SCARB1: variants seen among roughly 807,000 people sequenced by gnomAD.
The protein encoded by SCARB1 is scavenger receptor class B member 1, also known as CD36 and LIMPII analogous 1.
A neutral mutation model predicts 57.2 loss-of-function variants in SCARB1; 30 were observed. That is an observed-to-expected ratio of 0.52 (90% CI 0.39 to 0.71). The LOEUF (loss-of-function observed/expected upper bound fraction) is 0.71. Ranked by LOEUF, SCARB1 falls within the 30% of genes least tolerant of loss-of-function variation. The probability of loss-of-function intolerance (pLI) is 0.00; values close to 1 mark genes in which losing one functional copy is unlikely to be tolerated. For synonymous variants in SCARB1, 249 were observed against 268.3 expected (o/e 0.93, Z 0.70); for missense variants, 543 against 671.2 (o/e 0.81, Z 2.11).
chr12:124,853,087 G>A (rs1952484530), intron 1 of SCARB1, among the ~76,000 whole-genome samples: 1 of 152,124 alleles, frequency 6.6e-6, no homozygotes, highest in Admixed American at 6.5e-5. Flanking sequence ...CAATCACGGG[G>A]TGTCTTCTTC....
intron 1 of SCARB1, among the ~76,000 whole-genome samples, chr12:124,840,780 C>T (rs190792398): frequency 1.5e-3 from 219 of 150,738 alleles, no homozygotes; most frequent in African/African-American, 5.2e-3. Flanking sequence ...TAGAAAACTA[C>T]CCCCACCTGG....
Position 124,817,805 on chromosome 12 carries a change from A to AGG in SCARB1, c.127-100_127-99dup. ...ACAGCTGCCCGAGCCCGGCCAGGGA[A>AGG]GGGGCTCCTCGGCGGGAGCTTGGGA... On this transcript the variant is annotated intron_variant, in intron 1 of 12. Transcript: ENST00000261693. The surrounding 1 kb of genome is among the most constrained non-coding windows in gnomAD (Gnocchi z 4.8). 1 of 1,335,476 alleles carries AGG rather than the reference A, an allele frequency of 7.5e-7. No individual in the cohort carries two copies. The highest frequency in any genetic ancestry group is 1.1e-6 in the Non-Finnish European group (1 of 927,868). 82.7% of individuals were successfully genotyped at this position (1,335,476 alleles called of 1,614,324 possible).
rs1950792621 is a variant in SCARB1 at position 124,817,599 on chromosome 12, G to C, written c.235C>G (p.Leu79Val). 1 of 1,614,126 alleles carries C rather than the reference G, an allele frequency of 6.2e-7. No individual in the cohort carries two copies. Among genetic ancestry groups the C allele is most frequent in the African/African-American group, 1.3e-5 (1 of 74,942 alleles). ...FFDVMNPSEI[L>V]KGEKPQVRER... Reference sequence around the variant, plus strand: ...CGCACCTGCGGCTTCTCGCCCTTCAGGATCTCGCTGGGGTTCATGACGTCA... The same window carrying C: ...CGCACCTGCGGCTTCTCGCCCTTCACGATCTCGCTGGGGTTCATGACGTCA... Residue 79 changes from leucine (L) to valine (V), a missense_variant, in exon 2 of 13, where the codon CTG becomes GTG. Coordinates refer to ENST00000261693, the MANE Select transcript of SCARB1 (RefSeq NM_005505.5). The surrounding 1 kb of genome is among the most constrained non-coding windows in gnomAD (Gnocchi z 4.8).
rs1950567559 is a variant in SCARB1, at chr12:124,812,574, C to A, written c.631-609G>T. The stretch of plus-strand genomic sequence containing the variant: ...AGCAGCAAAACCTGGCCTGTCCTAA[C>A]CCATCGAGGTTCTTGATAGTGGGGC... On this transcript the variant is annotated intron_variant, in intron 4 of 12. Transcript: ENST00000261693. The surrounding 1 kb of genome is among the most constrained non-coding windows in gnomAD (Gnocchi z 4.3). 6.6e-6 allele frequency among the ~76,000 whole-genome samples: 1 copy of A among 152,246 alleles called. No individual in the cohort carries two copies. The highest frequency in any genetic ancestry group is 2.4e-5 in the African/African-American group (1 of 41,460).
intron 9 of SCARB1, among the ~76,000 whole-genome samples, chr12:124,792,791 G>A (rs1278798939): frequency 6.6e-6 from 1 of 150,434 alleles, no homozygotes; most frequent in Non-Finnish European, 1.5e-5. Flanking sequence ...CAGAGCTCCT[G>A]TTAAAATTCA....
At chr12:124,821,908 G>A (rs905544536) in intron 1 of SCARB1, among the ~76,000 whole-genome samples, 2 of 152,160 alleles carry the variant, frequency 1.3e-5, no homozygotes, top group Non-Finnish European at 2.9e-5. Flanking sequence ...TGGGGACACT[G>A]TGGCCTTTTG....
At chr12:124,798,019 G>A (rs952849366) in intron 8 of SCARB1, among the ~76,000 whole-genome samples, 1 of 152,258 alleles carries the variant, frequency 6.6e-6, no homozygotes, top group African/African-American at 2.4e-5. Context: ...CATGTACGCT[G>A]TGGCCAAGAT....
chr12:124,839,258 T>C, intron 1 of SCARB1: 1 of 455,960 alleles, frequency 2.2e-6, no homozygotes, highest in Middle Eastern at 3.5e-4. Context: ...CTCTTTTCTG[T>C]CTCTGTGGAT....
At chr12:124,815,216 T>A in intron 2 of SCARB1, 102 bp from the exon 3 acceptor site, 2 of 1,337,824 alleles carry the variant, frequency 1.5e-6, no homozygotes, top group South Asian at 2.4e-5. Flanking sequence ...GCCCTGGACG[T>A]CTGTGCACAC....
intron 1 of SCARB1, among the ~76,000 whole-genome samples, chr12:124,837,458 G>GAAA (rs1566230877): frequency 3.8e-4 from 23 of 59,792 alleles, no homozygotes; most frequent in African/African-American, 1.3e-3. Flanking sequence ...AAAGAAAGAA[G>GAAA]GAAAGAAAGA....
At chr12:124,847,774 A>G (rs954322426) in intron 1 of SCARB1, among the ~76,000 whole-genome samples, 5 of 152,200 alleles carry the variant, frequency 3.3e-5, no homozygotes, top group African/African-American at 1.2e-4. Flanking sequence ...TTGCACTGTG[A>G]CTGCCAGGCT....
At chr12:124,783,109 G>A (rs1031817825) in intron 11 of SCARB1, 17 of 388,680 alleles carry the variant, frequency 4.4e-5, no homozygotes, top group African/African-American at 1.8e-4. Flanking sequence ...CATGGAGACC[G>A]ACAACCAGTG....
intron 8 of SCARB1, among the ~76,000 whole-genome samples, chr12:124,795,696 A>C (rs1307335475): frequency 6.6e-6 from 1 of 152,154 alleles, no homozygotes; most frequent in African/African-American, 2.4e-5. Flanking sequence ...GTCCCTTCTC[A>C]ATTCACTCCC....
intron 1 of SCARB1, 24 bp downstream of exon 1, chr12:124,863,571 C>A: frequency 3.1e-6 from 5 of 1,597,168 alleles, no homozygotes; most frequent in Non-Finnish European, 4.3e-6. Context: ...CGTGCGCGGA[C>A]CCCCTGGGGT....
Position 124,782,718 on chromosome 12 carries a change from G to A in SCARB1, c.1495C>T (p.Pro499Ser). ...AYSESLMTSA[P>S]KGSVLQEAKL Reference sequence around the variant, plus strand: ...GCTTCCTGCAGCACAGAGCCCTTGGGAGCTGATGTCATCAGGGATTCAGAA... The same window carrying A: ...GCTTCCTGCAGCACAGAGCCCTTGGAAGCTGATGTCATCAGGGATTCAGAA... The change falls in exon 12 of 13, where the codon CCC becomes TCC. Residue 499 changes from proline (P) to serine (S), a missense_variant. Transcript: ENST00000261693. 6.2e-7 allele frequency: 1 copy of A among 1,614,124 alleles called. No individual in the cohort carries two copies. Among genetic ancestry groups the A allele is most frequent in the Non-Finnish European group, 8.5e-7 (1 of 1,180,014 alleles).
chr12:124,845,002 ACCT>A (rs1192296007), intron 1 of SCARB1, among the ~76,000 whole-genome samples: 1 of 151,296 alleles, frequency 6.6e-6, no homozygotes, highest in Non-Finnish European at 1.5e-5. Flanking sequence ...CTGGACCCAC[ACCT>A]GCAGGCTCCG....
Position 124,778,306 on chromosome 12 carries a change from G to T in SCARB1, c.*281C>A. 1 of 689,992 alleles carries T rather than the reference G, an allele frequency of 1.4e-6. No individual in the cohort carries two copies. Among genetic ancestry groups the T allele is most frequent in the Non-Finnish European group, 2.0e-6 (1 of 492,466 alleles). The allele number at this position is 689,992 out of a possible 1,614,324, so 42.7% of individuals were successfully genotyped here. On this transcript the variant is annotated 3_prime_UTR_variant, in exon 13 of 13. Coordinates refer to ENST00000261693, the MANE Select transcript of SCARB1 (RefSeq NM_005505.5). ...CTGTGGTCAGGCCTGTGGGCCACGT[G>T]GAGAGAAGGTTCCAGAACAGTGCTT...
chr12:124,796,776 C>A lies in SCARB1; in HGVS notation c.1129-1508G>T, dbSNP rs1427022110. ...GCTCATTAAAGGCCTCACTTACGCC[C>A]ACGACTGGGGAGTGCTTGCCCTCGA... is the stretch of plus-strand genomic sequence containing the variant. On this transcript the variant is annotated intron_variant, in intron 8 of 12. Coordinates refer to ENST00000261693, the MANE Select transcript of SCARB1 (RefSeq NM_005505.5). The surrounding 1 kb of genome is among the most constrained non-coding windows in gnomAD (Gnocchi z 4.0). 6.6e-6 allele frequency among the ~76,000 whole-genome samples: 1 copy of A among 152,182 alleles called. No individual in the cohort carries two copies.
In SCARB1 at chr12:124,803,726, A is replaced by G. The variant is rs1241206784; in HGVS notation, c.1010-3484T>C. Among the ~76,000 whole-genome samples, 8 of 143,234 alleles carry G rather than the reference A, an allele frequency of 5.6e-5. No homozygotes were observed. In the South Asian group the frequency reaches 1.1e-3, roughly 19 times the overall value. 94.0% of individuals were successfully genotyped at this position (143,234 alleles called of 152,430 possible). On this transcript the variant is annotated intron_variant, in intron 7 of 12. Transcript: ENST00000261693. Reference sequence around the variant, plus strand: ...AAAAAAAAAAAAAAATTGAAATAAGATAAAATAAATTAGCCAGGTATGGTG... The same window carrying G: ...AAAAAAAAAAAAAAATTGAAATAAGGTAAAATAAATTAGCCAGGTATGGTG...
Sources: allele counts gnomAD v4.1 joint callset (sites outside exome capture counted in the v4.1 genomes callset), GRCh38; gene constraint gnomAD v4.1.1; non-coding constraint Gnocchi (gnomAD v3.1); transcripts MANE v1.5; gene names NCBI Gene and HGNC (gene_info 2026-07-23, HGNC 2026-07-21).